SLC30A7: variants seen among roughly 807,000 people sequenced by gnomAD.
The protein encoded by SLC30A7 is solute carrier family 30 member 7.
SLC30A7 carries 35 observed loss-of-function variants against 46.0 expected under a neutral mutation model. The ratio of observed to expected loss-of-function variants is 0.76; its 90% CI spans 0.58 to 1.01. The LOEUF is 1.01. Ranked by LOEUF, SLC30A7 falls within the 50% of genes least tolerant of loss-of-function variation. SLC30A7 has a pLI of 0.00. For synonymous variants in SLC30A7, 147 were observed against 157.8 expected, an observed-to-expected ratio of 0.93 and a Z score of 0.51; for missense variants, 464 against 451.1, an observed-to-expected ratio of 1.03 and a Z score of -0.26.
In SLC30A7 at chr1:100,975,951, G is replaced by C. The variant is rs1209505038; in HGVS notation, c.*1094G>C. On this transcript the variant is annotated 3_prime_UTR_variant, in exon 11 of 11. Transcript: ENST00000357650. ...TTTGTGTACTTCCAGCATAGGTTTG[G>C]ATATATGAACATTTTTCTTTTATTG... 6.6e-6 allele frequency: 1 copy of C among 151,014 alleles called. No individual in the cohort carries two copies. The highest frequency in any genetic ancestry group is 2.4e-5 in the African/African-American group (1 of 40,828). The allele number at this position is 151,014 out of a possible 1,614,324, so 9.4% of individuals were successfully genotyped here.
chr1:100,915,208 TC>T (rs1652436148), intron 6 of SLC30A7, among the ~76,000 whole-genome samples: 3 of 94,812 alleles, frequency 3.2e-5, no homozygotes, highest in Non-Finnish European at 6.9e-5. Context: ...TTTCTTTCTT[TC>T]TTTCTTTCTT....
intron 8 of SLC30A7, among the ~76,000 whole-genome samples, chr1:100,938,707 A>G (rs1005653096): frequency 1.3e-5 from 2 of 152,206 alleles, no homozygotes; most frequent in Non-Finnish European, 2.9e-5. Flanking sequence ...TTGTTTCATT[A>G]TAGCTGTGTA....
chr1:100,917,971 A>G (rs1557983133), intron 6 of SLC30A7, 106 bp from the exon 7 acceptor site: 8 of 793,392 alleles, frequency 1.0e-5, no homozygotes, highest in Non-Finnish European at 1.3e-5. Flanking sequence ...ATATGGCTAT[A>G]TAGCCATGCA....
rs769021656 is a variant in SLC30A7 at position 100,896,261 on chromosome 1, A to G, written c.-2A>G. 6.2e-7 allele frequency: 1 copy of G among 1,614,130 alleles called. No individual in the cohort carries two copies. The highest frequency in any genetic ancestry group is 1.1e-5 in the South Asian group (1 of 91,092). ...GACCCGGCCCTTCGCCGGGCAGAGA[A>G]GATGTTGCCCCTGTCCATCAAAGAC... is the stretch of plus-strand genomic sequence containing the variant. On this transcript the variant is annotated 5_prime_UTR_variant, in exon 1 of 11. Coordinates refer to ENST00000357650, the MANE Select transcript of SLC30A7 (RefSeq NM_133496.5).
chr1:100,949,668 C>G lies in SLC30A7; in HGVS notation c.843-12160C>G, dbSNP rs140613711. On this transcript the variant is annotated intron_variant, in intron 8 of 10. Transcript: ENST00000357650. ...CCTTACTGAGCTGCGGTGGGCCCCTCCCAGTTTGAGCTTCCTGGCTGTTTT... is the reference window on the plus strand; with the variant it reads ...CCTTACTGAGCTGCGGTGGGCCCCTGCCAGTTTGAGCTTCCTGGCTGTTTT... Among the ~76,000 whole-genome samples the G allele has an allele frequency of 6.2e-3, 947 of 152,270 alleles. 2 individuals carry two copies. Among genetic ancestry groups the G allele is most frequent in the Middle Eastern group, 0.01 (3 of 294 alleles).
intron 9 of SLC30A7, among the ~76,000 whole-genome samples, chr1:100,964,701 G>C (rs533704583): frequency 3.3e-5 from 5 of 152,218 alleles, no homozygotes; most frequent in African/African-American, 1.2e-4. Context: ...TCATGTACTT[G>C]TACTGCCACA....
rs1252352176 is a variant in SLC30A7, at chr1:100,913,716, C to A, written c.565C>A (p.His189Asn). The change falls in exon 6 of 11, where the codon CAT (histidine) becomes AAT (asparagine). Residue 189 changes from histidine (H) to asparagine (N), a missense_variant. Transcript: ENST00000357650. ...FNGALDQAHGHVDHCHSHEVK... is the reference protein window; with the variant it reads ...FNGALDQAHGNVDHCHSHEVK... ...TGGTGCTCTAGATCAGGCACATGGC[C>A]ATGTCGATCATTGCCATAGCCATGA... is the stretch of plus-strand genomic sequence containing the variant. The A allele has an allele frequency of 6.2e-7, 1 of 1,613,784 alleles. No homozygotes were observed. The highest frequency in any genetic ancestry group is 1.3e-5 in the African/African-American group (1 of 74,918).
chr1:100,957,568 A>G (rs965477498), intron 8 of SLC30A7, among the ~76,000 whole-genome samples: 3 of 152,126 alleles, frequency 2.0e-5, no homozygotes, highest in African/African-American at 2.4e-5. Context: ...CTGGAAGACT[A>G]TGTGATTTGC....
chr1:100,896,815 C>A (rs1074739), intron 2 of SLC30A7, 144 bp downstream of exon 2: 98,458 of 701,206 alleles, frequency 0.14, 7,710 homozygotes, highest in Non-Finnish European at 0.16. Flanking sequence ...CTTTCTCATA[C>A]CCACACCAAT....
At chr1:100,941,322 CA>C in intron 8 of SLC30A7, 1 of 381,624 alleles carries the variant, frequency 2.6e-6, no homozygotes, top group Non-Finnish European at 5.1e-6. Context: ...CCACCACAAC[CA>C]AAATTGCCAT....
At chr1:100,908,891 A>G (rs903785360) in intron 3 of SLC30A7, among the ~76,000 whole-genome samples, 8 of 152,220 alleles carry the variant, frequency 5.3e-5, no homozygotes, top group Admixed American at 2.6e-4. Context: ...ATTGTTTCCA[A>G]TTTAGAATGT....
rs368728268 is a variant in SLC30A7, at chr1:100,915,121, T to TCTTCTTTCTTTCCCTCCCTTCCTCCC, written c.655+1315_655+1316insCTTCTTTCTTTCCCTCCCTTCCTCCC. Among the ~76,000 whole-genome samples the TCTTCTTTCTTTCCCTCCCTTCCTCCC allele has an allele frequency of 8.4e-4, 108 of 127,858 alleles. 2 individuals carry two copies. The highest frequency in any genetic ancestry group is 3.1e-3 in the African/African-American group (103 of 33,204). 83.9% of individuals were successfully genotyped at this position (127,858 alleles called of 152,430 possible). Reference sequence around the variant, plus strand: ...CTACTCTCAATTCTTTCTTTTCTTTTTTCTTTTCTTTTCTTCTTTCTTTCC... The same window carrying TCTTCTTTCTTTCCCTCCCTTCCTCCC: ...CTACTCTCAATTCTTTCTTTTCTTTTCTTCTTTCTTTCCCTCCCTTCCTCCCTTCTTTTCTTTTCTTCTTTCTTTCC... On this transcript the variant is annotated intron_variant, in intron 6 of 10. Transcript: ENST00000357650.
intron 8 of SLC30A7, among the ~76,000 whole-genome samples, chr1:100,922,971 A>C (rs1003411356): frequency 1.3e-5 from 2 of 150,596 alleles, no homozygotes; most frequent in Admixed American, 6.6e-5. Flanking sequence ...GGCCAGACTC[A>C]AGATTTTTAT....
chr1:100,946,084 T>G (rs1353722103), intron 8 of SLC30A7, among the ~76,000 whole-genome samples: 2 of 152,228 alleles, frequency 1.3e-5, no homozygotes, highest in Non-Finnish European at 2.9e-5. Context: ...TGGCTCTCTC[T>G]TTGTCTGTTA....
At chr1:100,946,085 T>A (rs945298362) in intron 8 of SLC30A7, among the ~76,000 whole-genome samples, 3 of 152,240 alleles carry the variant, frequency 2.0e-5, no homozygotes, top group African/African-American at 7.2e-5. Flanking sequence ...GGCTCTCTCT[T>A]TGTCTGTTAT....
At chr1:100,941,876 T>C in intron 8 of SLC30A7, 1 of 417,568 alleles carries the variant, frequency 2.4e-6, no homozygotes, top group East Asian at 5.3e-5. Context: ...CTGTGAGTGT[T>C]CCCCATTGCT....
At chr1:100,938,273 G>A (rs544921868) in intron 8 of SLC30A7, among the ~76,000 whole-genome samples, 2 of 152,186 alleles carry the variant, frequency 1.3e-5, no homozygotes, top group Admixed American at 1.3e-4. Context: ...AATGTCACTG[G>A]GATTTTGATA....
At chr1:100,964,465 G>A (rs1425276249) in intron 9 of SLC30A7, among the ~76,000 whole-genome samples, 1 of 151,262 alleles carries the variant, frequency 6.6e-6, no homozygotes, top group Non-Finnish European at 1.5e-5. Flanking sequence ...GGTGAGTATC[G>A]TCTTCCTTTC....
the SLC30A7 span, chr1:100,995,210 G>A: frequency 2.5e-6 from 3 of 1,176,866 alleles, no homozygotes; most frequent in Non-Finnish European, 3.7e-6. Flanking sequence ...AACCCTATGT[G>A]TAAACCTCAG....
Sources: gnomAD v4.1 joint callset for allele counts (sites outside exome capture counted in the v4.1 genomes callset) on GRCh38, gnomAD v4.1.1 for gene constraint, MANE v1.5 for transcripts, NCBI Gene and HGNC (gene_info 2026-07-23, HGNC 2026-07-21) for gene names.